The following SLC26A9 variants were observed in gnomAD, a reference collection of about 807,000 sequenced individuals.
The protein encoded by SLC26A9 is anion transporter/exchanger protein 9.
In SLC26A9, 46 loss-of-function variants were observed where a neutral mutation model predicts 87.1. The ratio of observed to expected loss-of-function variants is 0.53; its 90% CI spans 0.42 to 0.67. SLC26A9 has a LOEUF of 0.67. SLC26A9 is among the 30% of genes least tolerant of loss of function. SLC26A9 has a pLI of 0.00. For missense variants in SLC26A9, 927 were observed against 1,018.3 expected, an observed-to-expected ratio of 0.91 and a Z score of 1.22; for synonymous variants, 437 against 409.1, an observed-to-expected ratio of 1.07 and a Z score of -0.82.
At position 205,913,130 on chromosome 1, in the gene SLC26A9, C is replaced by T. The variant is rs1658440485; in HGVS notation, c.*2227G>A. 6.6e-6 allele frequency: 1 copy of T among 152,154 alleles called. No homozygotes were observed. The highest frequency in any genetic ancestry group is 2.4e-5 in the African/African-American group (1 of 41,412). 9.4% of individuals were successfully genotyped at this position (152,154 alleles called of 1,614,324 possible). On this transcript the variant is annotated 3_prime_UTR_variant, in exon 21 of 21. Coordinates refer to ENST00000367135, the MANE Select transcript of SLC26A9 (RefSeq NM_052934.4). The stretch of plus-strand genomic sequence containing the variant: ...TAAATTAAATAAATTATGCAAATAT[C>T]TCAAGAGATAAGGTTCCCAGTCCTC...
chr1:205,919,243 C>T (rs542724099), intron 18 of SLC26A9, among the ~76,000 whole-genome samples: 3 of 152,256 alleles, frequency 2.0e-5, no homozygotes, highest in South Asian at 2.1e-4. Context: ...TGTGGTGATT[C>T]GAGTGGAAAA....
intron 12 of SLC26A9, among the ~76,000 whole-genome samples, chr1:205,925,821 G>C (rs1289295148): frequency 6.6e-6 from 1 of 152,184 alleles, no homozygotes; most frequent in African/African-American, 2.4e-5. Context: ...AGGTTATGGT[G>C]GGGCTTAAAT....
Position 205,915,199 on chromosome 1 carries a change from G to A in SLC26A9, c.*158C>T. The A allele has an allele frequency of 6.2e-7, 1 of 1,609,868 alleles. No homozygotes were observed. ...GAGGCTCTCTCTGGAGATGCGGGGA[G>A]GGAAGGAAGGGAGGAGAGAGGGGGA... On this transcript the variant is annotated 3_prime_UTR_variant, in exon 21 of 21. Coordinates refer to ENST00000367135, the MANE Select transcript of SLC26A9 (RefSeq NM_052934.4).
Position 205,932,044 on chromosome 1 carries a change from C to T in SLC26A9, c.377-9G>A. On this transcript the variant is annotated splice_polypyrimidine_tract_variant and intron_variant, in intron 4 of 20. Coordinates refer to ENST00000367135, the MANE Select transcript of SLC26A9 (RefSeq NM_052934.4). ...GATAACGGCAAAGGTACCTGTGGTGCCCCACCCAGCCAGCAAAAATCAGAG... is the reference window on the plus strand; with the variant it reads ...GATAACGGCAAAGGTACCTGTGGTGTCCCACCCAGCCAGCAAAAATCAGAG... 1.2e-6 allele frequency: 2 copies of T among 1,613,426 alleles called. No individual in the cohort carries two copies. Among genetic ancestry groups the T allele is most frequent in the Non-Finnish European group, 1.7e-6 (2 of 1,179,576 alleles).
Position 205,937,339 on chromosome 1 carries a change from C to T in SLC26A9, c.-18-1501G>A, listed in dbSNP as rs551870425. 3.9e-5 allele frequency among the ~76,000 whole-genome samples: 6 copies of T among 152,050 alleles called. No individual in the cohort carries two copies. The East Asian group carries it at 5.8e-4, about 15-fold the overall frequency. ...GTGTACTCAACACATACTTGTTGAGCGAATTGATAAATGGTGTTTTGGAGG... is the reference window on the plus strand; with the variant it reads ...GTGTACTCAACACATACTTGTTGAGTGAATTGATAAATGGTGTTTTGGAGG... On this transcript the variant is annotated intron_variant, in intron 1 of 20. Transcript: ENST00000367135.
intron 19 of SLC26A9, among the ~76,000 whole-genome samples, chr1:205,917,934 A>C (rs1403041152): frequency 2.6e-5 from 4 of 152,182 alleles, no homozygotes; most frequent in Non-Finnish European, 2.9e-5. Context: ...TCTGCGGACA[A>C]ATTCACGAAG....
Position 205,914,721 on chromosome 1 carries a change from C to T in SLC26A9, c.*636G>A. 1 of 766,322 alleles carries T rather than the reference C, an allele frequency of 1.3e-6. No individual in the cohort carries two copies. 47.5% of individuals were successfully genotyped at this position (766,322 alleles called of 1,614,324 possible). Reference sequence around the variant, plus strand: ...TCCAGGCTAGAGTCTGATGTGCTTGCTGACAGCAGTGGTGGTTTGGGCAGC... The same window carrying T: ...TCCAGGCTAGAGTCTGATGTGCTTGTTGACAGCAGTGGTGGTTTGGGCAGC... On this transcript the variant is annotated 3_prime_UTR_variant, in exon 21 of 21. Coordinates refer to ENST00000367135, the MANE Select transcript of SLC26A9 (RefSeq NM_052934.4).
intron 19 of SLC26A9, 120 bp downstream of exon 19, chr1:205,918,720 T>C: frequency 7.6e-7 from 1 of 1,310,740 alleles, no homozygotes; most frequent in South Asian, 1.7e-5. Context: ...TTCAGAAAAC[T>C]GAAATGGCAG....
intron 6 of SLC26A9, 33 bp downstream of exon 6, chr1:205,929,859 G>C (rs1659234051): frequency 6.4e-7 from 1 of 1,561,764 alleles, no homozygotes. Context: ...CTGGAGCCTT[G>C]CTCCAATGGC....
In SLC26A9 at chr1:205,929,925, G is replaced by T. The variant is rs761502242; in HGVS notation, c.684C>A (p.Ile228=). Residue 228 remains isoleucine (I), a synonymous_variant, in exon 6 of 21, where the codon ATC becomes ATA. Transcript: ENST00000367135. ...TGGACCCTGGGCCTGTGTAGGAGGG[G>T]ATGGTCAGTCCGAAGATGTACTTGA... is the stretch of plus-strand genomic sequence containing the variant. The part of the protein sequence containing the change: ...SVLKYIFGLT[I]PSYTGPGSIV... 2.2e-5 allele frequency: 35 copies of T among 1,611,734 alleles called. No homozygotes were observed. The highest frequency in any genetic ancestry group is 2.7e-5 in the African/African-American group (2 of 74,914).
intron 18 of SLC26A9, 22 bp from the exon 19 acceptor site, chr1:205,919,007 T>C: frequency 1.9e-6 from 3 of 1,612,560 alleles, no homozygotes; most frequent in Non-Finnish European, 2.5e-6. Flanking sequence ...AAAGATCACC[T>C]TCAGAAAGAT....
At position 205,918,163 on chromosome 1, in the gene SLC26A9, C is replaced by A. The variant is rs568658140; in HGVS notation, c.2256+677G>T. Among the ~76,000 whole-genome samples, 6 of 152,214 alleles carry A rather than the reference C, an allele frequency of 3.9e-5. No individual in the cohort carries two copies. The East Asian group carries it at 1.2e-3, about 29-fold the overall frequency. ...GTTTTTACCCAGGGCTGGGGCACAACAAGAGTCTTGGGAGGCCAAGGGCAG... is the reference window on the plus strand; with the variant it reads ...GTTTTTACCCAGGGCTGGGGCACAAAAAGAGTCTTGGGAGGCCAAGGGCAG... On this transcript the variant is annotated intron_variant, in intron 19 of 20. Transcript: ENST00000367135.
intron 12 of SLC26A9, 31 bp from the exon 13 acceptor site, chr1:205,924,520 T>TG (rs770451456): frequency 9.3e-6 from 15 of 1,607,206 alleles, no homozygotes; most frequent in Middle Eastern, 1.6e-4. Context: ...AAAGCAGACC[T>TG]GGGGAAAAAA....
At chr1:205,940,424 A>G (rs1659689423) in intron 1 of SLC26A9, among the ~76,000 whole-genome samples, 1 of 107,304 alleles carries the variant, frequency 9.3e-6, no homozygotes, top group Non-Finnish European at 2.0e-5. Flanking sequence ...TTGGGCAGAG[A>G]TGGGCTCAGG....
chr1:205,937,663 T>C (rs1225454828), intron 1 of SLC26A9, among the ~76,000 whole-genome samples: 1 of 152,106 alleles, frequency 6.6e-6, no homozygotes, highest in Non-Finnish European at 1.5e-5. Context: ...CAGAGACTAT[T>C]CAGAGGCTGC....
chr1:205,935,530 G>GT (rs1659475238), intron 2 of SLC26A9, 166 bp downstream of exon 2: 1 of 1,105,446 alleles, frequency 9.0e-7, no homozygotes. Context: ...GGGGGTCTCA[G>GT]TACAGATGAG....
In SLC26A9 at chr1:205,933,012, C is replaced by T. The variant is rs557196794; in HGVS notation, c.198G>A (p.Lys66=). 10 of 1,614,026 alleles carry T rather than the reference C, an allele frequency of 6.2e-6. No homozygotes were observed. In the East Asian group the frequency reaches 2.0e-4, roughly 32 times the overall value. The change falls in exon 3 of 21, where the codon AAG becomes AAA. Residue 66 remains lysine (K), a synonymous_variant. Transcript: ENST00000367135. ...LPVLSWLPKY[K]IKDYIIPDLL... ...GGTCAGGAATGATGTAGTCTTTAATCTTGTACTTGGGGAGCCAGGAGAGCA... is the reference window on the plus strand; with the variant it reads ...GGTCAGGAATGATGTAGTCTTTAATTTTGTACTTGGGGAGCCAGGAGAGCA...
intron 12 of SLC26A9, 85 bp downstream of exon 12, chr1:205,926,450 A>G (rs2102584595): frequency 8.7e-7 from 1 of 1,145,670 alleles, no homozygotes; most frequent in South Asian, 1.2e-5. Context: ...TAGAGGGTTC[A>G]TTGTTAGGAC....
At chr1:205,934,969 G>A (rs987744581) in intron 2 of SLC26A9, among the ~76,000 whole-genome samples, 1 of 152,226 alleles carries the variant, frequency 6.6e-6, no homozygotes, top group African/African-American at 2.4e-5. Context: ...TGAATCAGCC[G>A]TTTCCCCAAG....
Sources: allele counts gnomAD v4.1 joint callset (sites outside exome capture counted in the v4.1 genomes callset), GRCh38; gene constraint gnomAD v4.1.1; transcripts MANE v1.5; gene names NCBI Gene and HGNC (gene_info 2026-07-23, HGNC 2026-07-21).